The following ZNF451 variants were observed in gnomAD, a reference collection of about 807,000 sequenced individuals.
The protein encoded by ZNF451 is E3 SUMO-protein ligase ZNF451.
In ZNF451, 80 loss-of-function variants were observed where a neutral mutation model predicts 107.1. That is an observed-to-expected ratio of 0.75 (90% CI 0.62 to 0.90). The LOEUF is 0.90. Ranked by LOEUF, ZNF451 falls within the 40% of genes least tolerant of loss-of-function variation. The pLI is 0.00. For missense variants in ZNF451, 1,107 were observed against 1,236.2 expected (o/e 0.90, Z 1.57); for synonymous variants, 362 against 406.5 (o/e 0.89, Z 1.32).
At chr6:57,110,536 T>C (rs1374060414) in intron 3 of ZNF451, among the ~76,000 whole-genome samples, 2 of 152,190 alleles carry the variant, frequency 1.3e-5, no homozygotes, top group Non-Finnish European at 2.9e-5. Context: ...AACAGGATAA[T>C]GTTCCTGAAG....
intron 3 of ZNF451, chr6:57,099,628 G>A: frequency 1.5e-6 from 1 of 657,192 alleles, no homozygotes; most frequent in East Asian, 2.7e-5. Context: ...CTTTAACCTT[G>A]TCTGTGCCCC....
intron 3 of ZNF451, chr6:57,102,066 C>T (rs1042619078): frequency 2.6e-6 from 4 of 1,524,376 alleles, no homozygotes; most frequent in East Asian, 2.5e-5. Flanking sequence ...AGAAGGGAGA[C>T]TCTCCAGAAC....
chr6:57,109,812 A>G, intron 3 of ZNF451: 1 of 683,698 alleles, frequency 1.5e-6, no homozygotes, highest in African/African-American at 1.9e-5. Context: ...ATGTGTATAC[A>G]ATTTTTGATA....
At chr6:57,152,021 T>G in intron 11 of ZNF451, 200 bp from the exon 12 acceptor site, 1 of 483,170 alleles carries the variant, frequency 2.1e-6, no homozygotes, top group Non-Finnish European at 3.6e-6. Flanking sequence ...AGTTGACAGA[T>G]TCAGGGAAGT....
intron 7 of ZNF451, among the ~76,000 whole-genome samples, chr6:57,138,422 C>T (rs1338958448): frequency 6.6e-6 from 1 of 151,638 alleles, no homozygotes; most frequent in Non-Finnish European, 1.5e-5. Flanking sequence ...GCCACCACAC[C>T]CGGCTAATTT....
intron 3 of ZNF451, chr6:57,103,357 G>A (rs1037093576): frequency 5.0e-5 from 49 of 985,258 alleles, no homozygotes; most frequent in East Asian, 1.1e-4. Flanking sequence ...TAAGTGATAC[G>A]CTCTTGGTTA....
chr6:57,133,341 T>A (rs191738870), intron 6 of ZNF451, 149 bp downstream of exon 6: 11 of 833,934 alleles, frequency 1.3e-5, no homozygotes, highest in Middle Eastern at 3.6e-4. Flanking sequence ...ATGATATAAT[T>A]TTTTCATAAT....
Position 57,141,447 on chromosome 6 carries a change from A to G in ZNF451, c.848A>G (p.Lys283Arg), listed in dbSNP as rs749097667. 2 of 1,611,230 alleles carry G rather than the reference A, an allele frequency of 1.2e-6. No individual in the cohort carries two copies. The highest frequency in any genetic ancestry group is 2.2e-5 in the East Asian group (1 of 44,710). The change falls in exon 8 of 15, where the codon AAA (lysine) becomes AGA (arginine). Residue 283 changes from lysine to arginine, a missense_variant. Lys to Arg is a conservative substitution (Grantham distance 26). This residue lies in a region of ZNF451 where 339 missense variants were observed against 372.8 expected (regional missense o/e 0.91). Transcript: ENST00000370706. ...SGKNHFHQSFKLGDNKGIAHP... is the reference protein window; with the variant it reads ...SGKNHFHQSFRLGDNKGIAHP... ...AAGAATCATTTCCATCAGAGTTTCA[A>G]ACTGGGTGGTATGTTAATACTCTCT...
At chr6:57,103,368 A>C in intron 3 of ZNF451, 1 of 985,416 alleles carries the variant, frequency 1.0e-6, no homozygotes, top group Non-Finnish European at 1.2e-6. Flanking sequence ...CTCTTGGTTA[A>C]TTGGTTACTT....
chr6:57,099,386 G>C, intron 3 of ZNF451: 1 of 704,558 alleles, frequency 1.4e-6, no homozygotes, highest in Non-Finnish European at 2.6e-6. Flanking sequence ...CCTTAGAGGT[G>C]ATATCTGATA....
intron 5 of ZNF451, among the ~76,000 whole-genome samples, chr6:57,131,863 A>G (rs2127965583): frequency 6.6e-6 from 1 of 152,348 alleles, no homozygotes; most frequent in South Asian, 2.1e-4. Flanking sequence ...CTGTCTGTGA[A>G]TCAGAATACT....
At chr6:57,103,556 C>T (rs974511610) in intron 3 of ZNF451, 8 of 985,370 alleles carry the variant, frequency 8.1e-6, no homozygotes, top group Non-Finnish European at 9.6e-6. Context: ...AGATCCATGT[C>T]TTCACAGCAT....
chr6:57,161,121 T>G lies in ZNF451; in HGVS notation c.3108T>G (p.Thr1036=), dbSNP rs768309499. ...ATGATAACATGGGTGCCAAAAATAC[T>G]TCAATAGGAGAAGAATTTATATCCA... The part of the protein sequence containing the change: ...DSDDNMGAKN[T]SIGEEFISTE... The change falls in exon 14 of 15, where the codon ACT becomes ACG. Residue 1036 remains threonine (T), a synonymous_variant. Transcript: ENST00000370706. 1 of 1,559,556 alleles carries G rather than the reference T, an allele frequency of 6.4e-7. No individual in the cohort carries two copies. Among genetic ancestry groups the G allele is most frequent in the East Asian group, 2.3e-5 (1 of 43,116 alleles).
At chr6:57,102,181 T>C in intron 3 of ZNF451, 1 of 1,430,888 alleles carries the variant, frequency 7.0e-7, no homozygotes, top group Non-Finnish European at 9.1e-7. Context: ...GATCTACAGG[T>C]AGGAGATCAT....
intron 3 of ZNF451, chr6:57,104,745 C>T: frequency 1.0e-6 from 1 of 985,376 alleles, no homozygotes; most frequent in Non-Finnish European, 1.2e-6. Context: ...TTCTCTTTTC[C>T]TCCTGTGATA....
intron 9 of ZNF451, among the ~76,000 whole-genome samples, chr6:57,143,505 A>C (rs80122819): frequency 0.012 from 1,875 of 152,322 alleles, 19 homozygotes; most frequent in South Asian, 0.029. Flanking sequence ...TTAAAGGTAG[A>C]AGTTTAGATT....
chr6:57,158,975 A>G, intron 13 of ZNF451: 1 of 985,276 alleles, frequency 1.0e-6, no homozygotes, highest in Non-Finnish European at 1.2e-6. Flanking sequence ...AGATGATTGA[A>G]GCAGCATCAT....
chr6:57,170,148 T>A lies in ZNF451; in HGVS notation c.*1679T>A, dbSNP rs1764068999. 6.6e-6 allele frequency: 1 copy of A among 152,254 alleles called. No homozygotes were observed. Among genetic ancestry groups the A allele is most frequent in the Non-Finnish European group, 1.5e-5 (1 of 68,050 alleles). The allele number at this position is 152,254 out of a possible 1,614,324, so 9.4% of individuals were successfully genotyped here. On this transcript the variant is annotated 3_prime_UTR_variant, in exon 15 of 15. Transcript: ENST00000370706. The stretch of plus-strand genomic sequence containing the variant: ...GGTTGTTTAATGTTTTAATTGATAA[T>A]TGTCACTGATCGTATTTCTACTTGT...
At chr6:57,126,040 C>G (rs1830912762) in intron 4 of ZNF451, among the ~76,000 whole-genome samples, 1 of 152,016 alleles carries the variant, frequency 6.6e-6, no homozygotes, top group Admixed American at 6.6e-5. Flanking sequence ...ATGCTAGCTT[C>G]TTTTCCCAGG....
Sources: gnomAD v4.1 joint callset for allele counts (sites outside exome capture counted in the v4.1 genomes callset) on GRCh38, gnomAD v4.1.1 for gene constraint, gnomAD v4.1.1 regional missense constraint, MANE v1.5 for transcripts, NCBI Gene and HGNC (gene_info 2026-07-23, HGNC 2026-07-21) for gene names.